Variants in DNAH3 observed in about 807,000 individuals in gnomAD.
The protein encoded by DNAH3 is dynein axonemal heavy chain 3.
DNAH3 carries 332 observed loss-of-function variants against 432.5 expected under a neutral mutation model. The observed-to-expected ratio is 0.77, with a 90% CI of 0.70 to 0.84. The LOEUF is 0.84. Among genes scored for constraint, DNAH3 ranks in the 40% least tolerant of loss-of-function variants. The probability of loss-of-function intolerance (pLI) is 0.00; values close to 1 mark genes in which losing one functional copy is unlikely to be tolerated. For missense variants in DNAH3, 4,861 were observed against 5,114.0 expected, an observed-to-expected ratio of 0.95 and a Z score of 1.51; for synonymous variants, 1,956 against 1,900.2, an observed-to-expected ratio of 1.03 and a Z score of -0.76.
At chr16:20,972,605 G>T (rs1260864849) in intron 51 of DNAH3, among the ~76,000 whole-genome samples, 1 of 151,994 alleles carries the variant, frequency 6.6e-6, no homozygotes, top group African/African-American at 2.4e-5. Flanking sequence ...AAAAGCATCT[G>T]TAATTCAGGG....
intron 12 of DNAH3, among the ~76,000 whole-genome samples, chr16:21,112,435 G>A (rs1421832121): frequency 6.6e-6 from 1 of 152,118 alleles, no homozygotes; most frequent in Non-Finnish European, 1.5e-5. Flanking sequence ...CACATGGCTG[G>A]GGAGGCCTCA....
At chr16:21,048,614 G>A (rs1385575890) in intron 31 of DNAH3, among the ~76,000 whole-genome samples, 2 of 152,154 alleles carry the variant, frequency 1.3e-5, no homozygotes, top group African/African-American at 2.4e-5. Flanking sequence ...ACCTCAGATG[G>A]AAATGCAGAA....
At chr16:20,969,654 C>T (rs1296428912) in intron 52 of DNAH3, 138 bp downstream of exon 52, 3 of 985,478 alleles carry the variant, frequency 3.0e-6, no homozygotes, top group Non-Finnish European at 4.6e-6. Flanking sequence ...CACACACAGC[C>T]TGGTTCCTTT....
In DNAH3 at chr16:21,131,877, GGAGAGAAAGAAAGGAA is replaced by G. The variant is rs1396319639; in HGVS notation, c.1082+2366_1082+2381del. 1.8e-4 allele frequency among the ~76,000 whole-genome samples: 27 copies of G among 149,734 alleles called. No individual in the cohort carries two copies. In the East Asian group the frequency reaches 4.5e-3, roughly 25 times the overall value. ...CTCAAAAAAAAAAAAAAAAAAAGGG[GGAGAGAAAGAAAGGAA>G]GAGAGAAAGAAAGAAAAGAAAACAG... On this transcript the variant is annotated intron_variant, in intron 7 of 61. Coordinates refer to ENST00000261383, the Ensembl canonical transcript of DNAH3.
At chr16:20,991,394 G>A (rs1367919846) in intron 44 of DNAH3, among the ~76,000 whole-genome samples, 1 of 151,910 alleles carries the variant, frequency 6.6e-6, no homozygotes, top group Non-Finnish European at 1.5e-5. Flanking sequence ...ACCCCAAGTA[G>A]CTGGGATTAC....
At chr16:21,100,098 C>CTA (rs1283868866) in intron 16 of DNAH3, among the ~76,000 whole-genome samples, 2 of 152,086 alleles carry the variant, frequency 1.3e-5, no homozygotes, top group East Asian at 3.9e-4. Flanking sequence ...GTCTCTCTCT[C>CTA]TCTCTTTATC....
At chr16:21,099,766 G>A (rs1198149735) in intron 16 of DNAH3, among the ~76,000 whole-genome samples, 1 of 152,138 alleles carries the variant, frequency 6.6e-6, no homozygotes, top group Non-Finnish European at 1.5e-5. Flanking sequence ...CAATACATAA[G>A]TGTTTGCTCA....
intron 34 of DNAH3, among the ~76,000 whole-genome samples, chr16:21,037,167 T>C (rs1005707171): frequency 7.9e-5 from 12 of 151,772 alleles, no homozygotes; most frequent in African/African-American, 2.7e-4. Context: ...AATTCAGCTG[T>C]GCATGGTGGC....
chr16:20,958,987 C>T (rs907269417), intron 54 of DNAH3, among the ~76,000 whole-genome samples, 192 bp downstream of exon 54: 2 of 152,126 alleles, frequency 1.3e-5, no homozygotes, highest in Admixed American at 1.3e-4. Flanking sequence ...AGGCTAGTTT[C>T]GAACTCCTGA....
At chr16:20,941,909 T>G (rs1293001121) in intron 58 of DNAH3, among the ~76,000 whole-genome samples, 1 of 151,732 alleles carries the variant, frequency 6.6e-6, no homozygotes, top group Non-Finnish European at 1.5e-5. Flanking sequence ...AATACAAAAA[T>G]TAGCCATTAG....
intron 27 of DNAH3, among the ~76,000 whole-genome samples, chr16:21,055,206 C>T (rs766473781): frequency 2.0e-5 from 3 of 152,062 alleles, no homozygotes; most frequent in Non-Finnish European, 4.4e-5. Flanking sequence ...CAGGTGTGCA[C>T]CACCACACTC....
chr16:21,134,969 T>C (rs2092622710), intron 6 of DNAH3, among the ~76,000 whole-genome samples: 1 of 152,188 alleles, frequency 6.6e-6, no homozygotes, highest in South Asian at 2.1e-4. Context: ...ATTATAGGTG[T>C]GAGCTAGCAC....
intron 27 of DNAH3, among the ~76,000 whole-genome samples, chr16:21,056,302 C>T (rs180840594): frequency 1.3e-5 from 2 of 152,108 alleles, no homozygotes; most frequent in African/African-American, 4.8e-5. Flanking sequence ...TTCTTAGACA[C>T]CACTTTTCTG....
At chr16:20,988,032 A>G (rs756183392) in exon 45 of DNAH3, 110 of 1,614,050 alleles carry the variant, frequency 6.8e-5, no homozygotes, top group Non-Finnish European at 9.0e-5. Context: ...AAAGGCATTG[A>G]TGGAAATGAT....
At chr16:20,962,485 G>A (rs1229920752) in intron 53 of DNAH3, among the ~76,000 whole-genome samples, 1 of 152,244 alleles carries the variant, frequency 6.6e-6, no homozygotes, top group East Asian at 1.9e-4. Context: ...ACTGTATAAG[G>A]GAGGGAGTGG....
In DNAH3 at chr16:20,987,934, C is replaced by A; in HGVS notation, c.6725+8G>T. ...CCCACTATCCAGGAAGACAGAGAAA[C>A]CTCTTACCTTAAAAACATCACATCA... On this transcript the variant is annotated splice_region_variant and intron_variant, in intron 45 of 61. Transcript: ENST00000261383. 1.9e-6 allele frequency: 3 copies of A among 1,614,142 alleles called. No individual in the cohort carries two copies. Among genetic ancestry groups the A allele is most frequent in the Non-Finnish European group, 2.5e-6 (3 of 1,180,018 alleles).
intron 23 of DNAH3, 95 bp from the exon 24 acceptor site, chr16:21,067,514 C>T: frequency 7.3e-7 from 1 of 1,372,838 alleles, no homozygotes. Context: ...ACTGACAGCA[C>T]TCCTTGTCCA....
At position 21,021,951 on chromosome 16, in the gene DNAH3, G is replaced by A. The variant is rs1156578385; in HGVS notation, c.5776+20C>T. On this transcript the variant is annotated intron_variant, in intron 40 of 61. Transcript: ENST00000261383. Reference sequence around the variant, plus strand: ...TAGACCCACCCCCCATGTGGCTTAAGAATCATGGCTAGCACTTACCAAGCA... The same window carrying A: ...TAGACCCACCCCCCATGTGGCTTAAAAATCATGGCTAGCACTTACCAAGCA... 1 of 1,612,822 alleles carries A rather than the reference G, an allele frequency of 6.2e-7. No homozygotes were observed. Among genetic ancestry groups the A allele is most frequent in the Non-Finnish European group, 8.5e-7 (1 of 1,179,618 alleles).
intron 26 of DNAH3, among the ~76,000 whole-genome samples, chr16:21,059,175 T>TA (rs1372133376): frequency 2.6e-5 from 4 of 152,220 alleles, no homozygotes; most frequent in Non-Finnish European, 4.4e-5. Context: ...AAATTTATTT[T>TA]AAAAAATAGT....
Sources: gnomAD v4.1 joint callset for allele counts (sites outside exome capture counted in the v4.1 genomes callset) on GRCh38, gnomAD v4.1.1 for gene constraint, MANE v1.5 for transcripts, NCBI Gene and HGNC (gene_info 2026-07-23, HGNC 2026-07-21) for gene names.